Variants in UBR3 observed in about 807,000 individuals in gnomAD.
UBR3 encodes the protein E3 ubiquitin-protein ligase UBR3.
In UBR3, 85 loss-of-function variants were observed where a neutral mutation model predicts 243.2. The observed-to-expected ratio is 0.35, with a 90% CI of 0.29 to 0.42. The LOEUF (loss-of-function observed/expected upper bound fraction) is 0.42, where lower values mean the gene tolerates loss of function less well. Among genes scored for constraint, UBR3 ranks in the 10% least tolerant of loss-of-function variants. The probability of loss-of-function intolerance (pLI) is 1.00; values close to 1 mark genes in which losing one functional copy is unlikely to be tolerated. For synonymous variants in UBR3, 748 were observed against 799.8 expected, an observed-to-expected ratio of 0.94 and a Z score of 1.09; for missense variants, 1,686 against 2,300.8, an observed-to-expected ratio of 0.73 and a Z score of 5.47.
In UBR3 at chr2:169,928,801, A is replaced by G; in HGVS notation, c.2499A>G (p.Val833=). The change falls in exon 18 of 39, where the codon GTA becomes GTG. Residue 833 remains valine (V), a synonymous_variant. Transcript: ENST00000272793. ...SYSFESVLSA[V]ADFKAPVFEP... ...GCTTTGAATCAGTTTTATCAGCTGT[A>G]GCTGATTTTAAGGCTCCTGTTTTTG... 1 of 1,515,622 alleles carries G rather than the reference A, an allele frequency of 6.6e-7. No homozygotes were observed. Among genetic ancestry groups the G allele is most frequent in the Non-Finnish European group, 8.9e-7 (1 of 1,121,668 alleles). The allele number at this position is 1,515,622 out of a possible 1,614,324, so 93.9% of individuals were successfully genotyped here. A position where few individuals can be genotyped will look rare whatever the true frequency, so the allele number is the denominator to read the frequency against.
chr2:169,849,334 A>G (rs1186969627), intron 1 of UBR3, among the ~76,000 whole-genome samples: 1 of 152,256 alleles, frequency 6.6e-6, no homozygotes, highest in Non-Finnish European at 1.5e-5. Flanking sequence ...TTTCTCTGAA[A>G]TGGTGCTGGA....
At chr2:169,857,074 T>TTTTG (rs2082908624) in intron 1 of UBR3, among the ~76,000 whole-genome samples, 1 of 122,840 alleles carries the variant, frequency 8.1e-6, no homozygotes, top group East Asian at 2.7e-4. Context: ...GTTTTTTTTT[T>TTTTG]TTTTTTTTTT....
At chr2:169,854,711 G>T (rs1219666893) in intron 1 of UBR3, among the ~76,000 whole-genome samples, 1 of 152,036 alleles carries the variant, frequency 6.6e-6, no homozygotes, top group Non-Finnish European at 1.5e-5. Flanking sequence ...GTGTTGATAA[G>T]TATTTTATAT....
intron 24 of UBR3, among the ~76,000 whole-genome samples, chr2:169,971,966 T>C (rs902875754): frequency 6.6e-6 from 1 of 152,018 alleles, no homozygotes; most frequent in African/African-American, 2.4e-5. Flanking sequence ...AAAAAATTAA[T>C]GAATCCAGGA....
In UBR3 at chr2:170,082,429, C is replaced by G. The variant is rs555750469; in HGVS notation, c.*586C>G. The G allele has an allele frequency of 6.6e-6, 1 of 152,326 alleles. No individual in the cohort carries two copies. The highest frequency in any genetic ancestry group is 1.5e-5 in the Non-Finnish European group (1 of 68,006). 9.4% of individuals were successfully genotyped at this position (152,326 alleles called of 1,614,324 possible). A position where few individuals can be genotyped will look rare whatever the true frequency, so the allele number is the denominator to read the frequency against. ...TAAAAGTTTAAAGCTTTGCTGAAAA[C>G]TGAATTCATTCTCAGGAATTTCATA... On this transcript the variant is annotated 3_prime_UTR_variant, in exon 39 of 39. Coordinates refer to ENST00000272793, the MANE Select transcript of UBR3 (RefSeq NM_172070.4).
chr2:170,073,655 T>C (rs1161924554), intron 36 of UBR3, 48 bp downstream of exon 36: 2 of 1,571,464 alleles, frequency 1.3e-6, no homozygotes, highest in Non-Finnish European at 1.7e-6. Flanking sequence ...GATATGCTAA[T>C]AGGTAAGAGA....
chr2:169,924,269 A>T, intron 13 of UBR3, 96 bp downstream of exon 13: 1 of 926,688 alleles, frequency 1.1e-6, no homozygotes, highest in Non-Finnish European at 1.5e-6. Flanking sequence ...TATAGCTGAG[A>T]TGTTTGAAAA....
intron 30 of UBR3, among the ~76,000 whole-genome samples, chr2:170,016,583 A>G (rs895705960): frequency 6.6e-6 from 1 of 151,912 alleles, no homozygotes; most frequent in Non-Finnish European, 1.5e-5. Flanking sequence ...TTAATTTGTT[A>G]TTAATTGATG....
intron 10 of UBR3, among the ~76,000 whole-genome samples, chr2:169,910,795 A>G (rs1331937916): frequency 6.6e-6 from 1 of 152,170 alleles, no homozygotes; most frequent in Non-Finnish European, 1.5e-5. Context: ...AAGTTCACAT[A>G]GCTATAAGTA....
rs566020479 is a variant in UBR3 at position 169,834,919 on chromosome 2, A to G, written c.545+6867A>G. Among the ~76,000 whole-genome samples, 4 of 152,366 alleles carry G rather than the reference A, an allele frequency of 2.6e-5. No individual in the cohort carries two copies. The East Asian group carries it at 5.8e-4, about 22-fold the overall frequency. ...CCAAATGAAATAGGCCCAGCACAAAAGAACAAATGCTTGTATGCTTCGGTC... is the reference window on the plus strand; with the variant it reads ...CCAAATGAAATAGGCCCAGCACAAAGGAACAAATGCTTGTATGCTTCGGTC... On this transcript the variant is annotated intron_variant, in intron 1 of 38. Transcript: ENST00000272793.
intron 30 of UBR3, among the ~76,000 whole-genome samples, chr2:170,023,411 A>AT (rs35819029): frequency 1.2e-3 from 169 of 146,926 alleles, no homozygotes; most frequent in African/African-American, 4.1e-3. Context: ...ATTTATGAAA[A>AT]TTTTTTTTTT....
chr2:170,015,334 G>T lies in UBR3; in HGVS notation c.4421G>T (p.Gly1474Val). 6.2e-7 allele frequency: 1 copy of T among 1,611,850 alleles called. No homozygotes were observed. Among genetic ancestry groups the T allele is most frequent in the Non-Finnish European group, 8.5e-7 (1 of 1,178,752 alleles). ...IHRGGNLCSG[G>V]ASTAGKRSCL... ...CGAGGAGGCAATTTGTGTTCAGGTG[G>T]TGCAAGCACAGCTGGCAAAAGGTCT... Residue 1474 changes from glycine (G) to valine (V), a missense_variant, in exon 30 of 39, where the codon GGT becomes GTT. Coordinates refer to ENST00000272793, the MANE Select transcript of UBR3 (RefSeq NM_172070.4).
chr2:169,911,267 C>A (rs548443387), intron 10 of UBR3, among the ~76,000 whole-genome samples: 1 of 152,218 alleles, frequency 6.6e-6, no homozygotes, highest in South Asian at 2.1e-4. Flanking sequence ...GCTGCAAAAT[C>A]TTCATCTGGT....
At chr2:170,010,100 T>C (rs1296403503) in intron 29 of UBR3, among the ~76,000 whole-genome samples, 1 of 152,214 alleles carries the variant, frequency 6.6e-6, no homozygotes, top group Non-Finnish European at 1.5e-5. Context: ...AGTAACTTTG[T>C]AGTCTATATA....
intron 36 of UBR3, chr2:170,077,144 G>A (rs113420496): frequency 5.5e-6 from 3 of 545,230 alleles, no homozygotes; most frequent in African/African-American, 3.8e-5. Flanking sequence ...AAGGCTGTTT[G>A]GTAGTATTCA....
chr2:170,044,275 G>C (rs1451760809), intron 32 of UBR3, among the ~76,000 whole-genome samples: 1 of 152,140 alleles, frequency 6.6e-6, no homozygotes, highest in Non-Finnish European at 1.5e-5. Context: ...AAATTTTACT[G>C]TTTAGACTTA....
At chr2:170,070,300 T>A (rs1225867285) in intron 35 of UBR3, among the ~76,000 whole-genome samples, 3 of 152,176 alleles carry the variant, frequency 2.0e-5, no homozygotes, top group African/African-American at 7.2e-5. Context: ...AAATCTAATG[T>A]ACTTTCATGG....
chr2:170,008,685 C>G, intron 28 of UBR3, 119 bp from the exon 29 acceptor site: 1 of 541,908 alleles, frequency 1.8e-6, no homozygotes, highest in Non-Finnish European at 3.1e-6. Context: ...AGATAATGTT[C>G]TGTTTTGACT....
At chr2:170,041,133 A>G (rs2090957878) in intron 32 of UBR3, 148 bp downstream of exon 32, 2 of 655,000 alleles carry the variant, frequency 3.1e-6, no homozygotes, top group Non-Finnish European at 5.0e-6. Context: ...GCTTGAGCAC[A>G]GGAGCTCGAG....
Sources: allele counts gnomAD v4.1 joint callset (sites outside exome capture counted in the v4.1 genomes callset), GRCh38; gene constraint gnomAD v4.1.1; transcripts MANE v1.5; gene names NCBI Gene and HGNC (gene_info 2026-07-23, HGNC 2026-07-21).